The following SCAI variants were observed in gnomAD, a reference collection of about 807,000 sequenced individuals.
The protein encoded by SCAI is suppressor of cancer cell invasion.
In SCAI, 24 loss-of-function variants were observed where a neutral mutation model predicts 92.2. That is an observed-to-expected ratio of 0.26 (90% CI 0.19 to 0.37). SCAI has a LOEUF of 0.37. Ranked by LOEUF, SCAI falls within the 10% of genes least tolerant of loss-of-function variation. SCAI has a pLI of 1.00. For synonymous variants in SCAI, 261 were observed against 258.6 expected (o/e 1.01, Z -0.09); for missense variants, 450 against 736.2 (o/e 0.61, Z 4.50).
intron 2 of SCAI, among the ~76,000 whole-genome samples, chr9:125,089,135 T>C (rs1278006507): frequency 6.6e-6 from 1 of 152,212 alleles, no homozygotes; most frequent in Non-Finnish European, 1.5e-5. Context: ...TATCTAATAA[T>C]GATTTTCAGC....
chr9:125,026,396 G>A (rs360200), intron 6 of SCAI, among the ~76,000 whole-genome samples: 4,957 of 28,768 alleles, frequency 0.17, 259 homozygotes, highest in African/African-American at 0.41. Context: ...AAAAAAAAAA[G>A]AGAGAGAAAA....
intron 2 of SCAI, among the ~76,000 whole-genome samples, chr9:125,134,745 C>T (rs1482519432): frequency 1.3e-5 from 2 of 152,190 alleles, no homozygotes; most frequent in East Asian, 1.9e-4. Context: ...GGCACGATCT[C>T]GGCTCTCTGC....
At chr9:125,107,066 A>G (rs1047900000) in intron 2 of SCAI, among the ~76,000 whole-genome samples, 1 of 151,812 alleles carries the variant, frequency 6.6e-6, no homozygotes. Flanking sequence ...GCAGATACAT[A>G]TTCTACTAGG....
chr9:125,137,623 C>G (rs1232142540), intron 2 of SCAI, among the ~76,000 whole-genome samples: 1 of 152,104 alleles, frequency 6.6e-6, no homozygotes, highest in East Asian at 1.9e-4. Context: ...TTATTTAAGA[C>G]GGAGTCTCAC....
At chr9:125,079,296 G>C (rs1834157962) in intron 2 of SCAI, among the ~76,000 whole-genome samples, 1 of 152,112 alleles carries the variant, frequency 6.6e-6, no homozygotes, top group African/African-American at 2.4e-5. Flanking sequence ...ATTATTTGGG[G>C]TTATGTAAGC....
chr9:125,073,433 A>G (rs907135148), intron 2 of SCAI, among the ~76,000 whole-genome samples: 19 of 152,098 alleles, frequency 1.2e-4, no homozygotes, highest in African/African-American at 4.3e-4. Flanking sequence ...GAACTGCTAT[A>G]TTGTTTTCCA....
chr9:124,952,687 TG>T lies in SCAI; in HGVS notation c.*119del. ...ATTTTTTTGTTTGTTTTTAAAATGG[TG>T]GCCCTAAATTAAAAAATAAAAACTA... On this transcript the variant is annotated 3_prime_UTR_variant, in exon 18 of 18. Transcript: ENST00000336505. The T allele has an allele frequency of 1.5e-6, 1 of 675,402 alleles. No homozygotes were observed. Among genetic ancestry groups the T allele is most frequent in the Non-Finnish European group, 2.3e-6 (1 of 432,874 alleles). The allele number at this position is 675,402 out of a possible 1,614,324, so 41.8% of individuals were successfully genotyped here.
At chr9:125,101,199 G>C (rs1176390872) in intron 2 of SCAI, among the ~76,000 whole-genome samples, 2 of 152,210 alleles carry the variant, frequency 1.3e-5, no homozygotes, top group African/African-American at 4.8e-5. Flanking sequence ...CCTTCAGCTT[G>C]TATACTGAAG....
chr9:125,096,486 T>C (rs892958891), intron 2 of SCAI, among the ~76,000 whole-genome samples: 2 of 152,234 alleles, frequency 1.3e-5, no homozygotes, highest in African/African-American at 2.4e-5. Context: ...ACTTTATTTC[T>C]TTGGTCCCTG....
intron 3 of SCAI, among the ~76,000 whole-genome samples, chr9:125,045,756 GACTT>G (rs1291133180): frequency 6.6e-6 from 1 of 152,174 alleles, no homozygotes; most frequent in Non-Finnish European, 1.5e-5. Flanking sequence ...CATAGGCTAT[GACTT>G]TAACTGGCAA....
intron 2 of SCAI, among the ~76,000 whole-genome samples, chr9:125,062,444 T>TA (rs77722544): frequency 0.018 from 2,167 of 123,630 alleles, 79 homozygotes; most frequent in East Asian, 0.16. Flanking sequence ...ATATTAAAAT[T>TA]AAAAAAAAAA....
In SCAI at chr9:124,951,138, A is replaced by C. The variant is rs905953085; in HGVS notation, c.*1669T>G. ...ACAGTAACTTTGGACTTCAGGTTTG[A>C]AAAATCAGCAAATCAAAGCAGGAAT... On this transcript the variant is annotated 3_prime_UTR_variant, in exon 18 of 18. Coordinates refer to ENST00000336505, the MANE Select transcript of SCAI (RefSeq NM_001144877.3). The C allele has an allele frequency of 1.3e-5, 2 of 152,184 alleles. No individual in the cohort carries two copies. The highest frequency in any genetic ancestry group is 4.8e-5 in the African/African-American group (2 of 41,416). 9.4% of individuals were successfully genotyped at this position (152,184 alleles called of 1,614,324 possible).
intron 3 of SCAI, among the ~76,000 whole-genome samples, 199 bp downstream of exon 3, chr9:125,055,677 A>G (rs1377129737): frequency 6.6e-6 from 1 of 152,206 alleles, no homozygotes. Context: ...TGACTAAAAC[A>G]GTGTAAGTTA....
chr9:125,002,712 G>A (rs1279856841), intron 11 of SCAI, among the ~76,000 whole-genome samples: 3 of 151,482 alleles, frequency 2.0e-5, no homozygotes, highest in Non-Finnish European at 4.4e-5. Flanking sequence ...TTGAACTCCC[G>A]ACCTCAGGTG....
chr9:125,094,176 T>C (rs917146111), intron 2 of SCAI, among the ~76,000 whole-genome samples: 1 of 152,212 alleles, frequency 6.6e-6, no homozygotes, highest in African/African-American at 2.4e-5. Context: ...TCCCATCTCA[T>C]TCTGAGAAGA....
chr9:125,118,049 G>GTTT (rs1470021947), intron 2 of SCAI, among the ~76,000 whole-genome samples: 1 of 151,940 alleles, frequency 6.6e-6, no homozygotes, highest in African/African-American at 2.4e-5. Context: ...TCCTCTCTTG[G>GTTT]ACTCCTCCTT....
At chr9:124,963,951 G>A (rs926901707) in intron 17 of SCAI, among the ~76,000 whole-genome samples, 1 of 151,420 alleles carries the variant, frequency 6.6e-6, no homozygotes, top group Non-Finnish European at 1.5e-5. Context: ...AGGTGAAGGA[G>A]ATGGAAGGGG....
At chr9:125,124,742 G>A (rs1192075016) in intron 2 of SCAI, among the ~76,000 whole-genome samples, 1 of 152,204 alleles carries the variant, frequency 6.6e-6, no homozygotes, top group Non-Finnish European at 1.5e-5. Flanking sequence ...GCCCAGTCAA[G>A]TTGACACATA....
At chr9:125,082,502 C>T (rs1346366258) in intron 2 of SCAI, among the ~76,000 whole-genome samples, 1 of 152,224 alleles carries the variant, frequency 6.6e-6, no homozygotes, top group Non-Finnish European at 1.5e-5. Flanking sequence ...GGGCCACCGT[C>T]TTCCAGACCC....
Sources: gnomAD v4.1 joint callset for allele counts (sites outside exome capture counted in the v4.1 genomes callset) on GRCh38, gnomAD v4.1.1 for gene constraint, MANE v1.5 for transcripts, NCBI Gene and HGNC (gene_info 2026-07-23, HGNC 2026-07-21) for gene names.